The following ZSCAN2 variants were observed in gnomAD, a reference collection of about 807,000 sequenced individuals.
ZSCAN2 encodes the protein zinc finger and SCAN domain containing 2.
ZSCAN2 carries 26 observed loss-of-function variants against 47.8 expected under a neutral mutation model. The observed-to-expected ratio is 0.54, with a 90% CI of 0.40 to 0.75. The LOEUF is 0.75. Ranked by LOEUF, ZSCAN2 falls within the 30% of genes least tolerant of loss-of-function variation. The pLI, the probability that ZSCAN2 is intolerant of heterozygous loss-of-function variation, is 0.00. For synonymous variants in ZSCAN2, 305 were observed against 288.7 expected, an observed-to-expected ratio of 1.06 and a Z score of -0.57; for missense variants, 732 against 785.4, an observed-to-expected ratio of 0.93 and a Z score of 0.81.
At position 84,622,062 on chromosome 15, in the gene ZSCAN2, G is replaced by A; in HGVS notation, c.*22G>A. The A allele has an allele frequency of 6.4e-7, 1 of 1,571,196 alleles. No individual in the cohort carries two copies. Among genetic ancestry groups the A allele is most frequent in the Non-Finnish European group, 8.6e-7 (1 of 1,156,212 alleles). ...TTGAAGTGGCAAAGAGTGAAAGTGAGGGACTGGCCTGGAGTGGGAGTTGCC... is the reference window on the plus strand; with the variant it reads ...TTGAAGTGGCAAAGAGTGAAAGTGAAGGACTGGCCTGGAGTGGGAGTTGCC... On this transcript the variant is annotated 3_prime_UTR_variant, in exon 3 of 3. Coordinates refer to ENST00000546148, the MANE Select transcript of ZSCAN2 (RefSeq NM_181877.4).
At chr15:84,608,458 G>A (rs1268535729) in intron 2 of ZSCAN2, among the ~76,000 whole-genome samples, 11 of 151,560 alleles carry the variant, frequency 7.3e-5, no homozygotes, top group Non-Finnish European at 1.5e-4. Flanking sequence ...GCTTGAACCT[G>A]GGAGGCGGAG....
rs540401388 is a variant in ZSCAN2, at chr15:84,609,286, CATATATG to C, written c.406+4962_406+4968del. ...ACACATATATATCTATGATATATATCATATATGATATATGAGATATATGATATATCTC... is the reference window on the plus strand; with the variant it reads ...ACACATATATATCTATGATATATATCATATATGAGATATATGATATATCTC... On this transcript the variant is annotated intron_variant, in intron 2 of 2. Coordinates refer to ENST00000546148, the MANE Select transcript of ZSCAN2 (RefSeq NM_181877.4). Among the ~76,000 whole-genome samples the C allele has an allele frequency of 2.1e-4, 31 of 150,706 alleles. No homozygotes were observed. The South Asian group carries it at 6.3e-3, about 30-fold the overall frequency.
intron 2 of ZSCAN2, among the ~76,000 whole-genome samples, chr15:84,614,147 C>T (rs1355807025): frequency 6.7e-6 from 1 of 149,344 alleles, no homozygotes; most frequent in Non-Finnish European, 1.5e-5. Context: ...AGTGCCAACA[C>T]ACCCGGCTAA....
In ZSCAN2 at chr15:84,612,442, G is replaced by C. The variant is rs572149552; in HGVS notation, c.406+8109G>C. Among the ~76,000 whole-genome samples, 3 of 152,260 alleles carry C rather than the reference G, an allele frequency of 2.0e-5. No homozygotes were observed. In the South Asian group the frequency reaches 6.2e-4, roughly 32 times the overall value. ...TTATGTTATACAGCAATGTAGAAAT[G>C]ACCTTCTAAAGGCCAGGAGCGGTAG... On this transcript the variant is annotated intron_variant, in intron 2 of 2. Coordinates refer to ENST00000546148, the MANE Select transcript of ZSCAN2 (RefSeq NM_181877.4).
chr15:84,613,423 C>G (rs1180581084), intron 2 of ZSCAN2, among the ~76,000 whole-genome samples: 1 of 151,414 alleles, frequency 6.6e-6, no homozygotes, highest in African/African-American at 2.4e-5. Context: ...TGGGTTCAAG[C>G]AATTCTCCTG....
At chr15:84,603,393 G>C (rs1237776540) in intron 1 of ZSCAN2, among the ~76,000 whole-genome samples, 1 of 149,402 alleles carries the variant, frequency 6.7e-6, no homozygotes, top group Non-Finnish European at 1.5e-5. Flanking sequence ...TTTTGAGACG[G>C]AGTCTCACTC....
In ZSCAN2 at chr15:84,601,129, C is replaced by G. The variant is rs1243272577; in HGVS notation, c.-115C>G. On this transcript the variant is annotated 5_prime_UTR_variant, in exon 1 of 3. Transcript: ENST00000546148. ...AACCGCTAGAGCAGGACCTGGTCTCCCGAGAGGTGAGCCGGAGAGGCAGGC... is the reference window on the plus strand; with the variant it reads ...AACCGCTAGAGCAGGACCTGGTCTCGCGAGAGGTGAGCCGGAGAGGCAGGC... 1 of 152,442 alleles carries G rather than the reference C, an allele frequency of 6.6e-6. No individual in the cohort carries two copies. Among genetic ancestry groups the G allele is most frequent in the African/African-American group, 2.4e-5 (1 of 41,464 alleles). The allele number at this position is 152,442 out of a possible 1,614,324, so 9.4% of individuals were successfully genotyped here.
At chr15:84,619,429 CAAAAA>C (rs760419756) in intron 2 of ZSCAN2, among the ~76,000 whole-genome samples, 1 of 109,460 alleles carries the variant, frequency 9.1e-6, no homozygotes, top group Non-Finnish European at 2.0e-5. Context: ...GACTCCGTCT[CAAAAA>C]AAAAAAAAAA....
chr15:84,605,822 T>C (rs1895364064), intron 2 of ZSCAN2, among the ~76,000 whole-genome samples: 1 of 152,256 alleles, frequency 6.6e-6, no homozygotes, highest in South Asian at 2.1e-4. Flanking sequence ...ATAGTCACCA[T>C]GGCTAGCACT....
intron 2 of ZSCAN2, among the ~76,000 whole-genome samples, chr15:84,608,530 CA>C (rs1181525313): frequency 0.26 from 24,452 of 92,522 alleles, 2,447 homozygotes; most frequent in Middle Eastern, 0.42. Flanking sequence ...GACTCTGTCT[CA>C]AAAAAAAAAA....
At chr15:84,611,145 A>AG in intron 2 of ZSCAN2, among the ~76,000 whole-genome samples, 1 of 151,996 alleles carries the variant, frequency 6.6e-6, no homozygotes, top group African/African-American at 2.4e-5. Flanking sequence ...TACAAAAAAA[A>AG]TTAGCCGGGC....
rs1183294014 is a variant in ZSCAN2 at position 84,622,711 on chromosome 15, A to G, written c.*671A>G. ...GAGCCAGTGTCCCAGTGTCCTTTCC[A>G]TTGGTAAGAGTTGGACAGGGCCTTC... On this transcript the variant is annotated 3_prime_UTR_variant, in exon 3 of 3. Coordinates refer to ENST00000546148, the MANE Select transcript of ZSCAN2 (RefSeq NM_181877.4). 108 of 717,050 alleles carry G rather than the reference A, an allele frequency of 1.5e-4. No homozygotes were observed. Among genetic ancestry groups the G allele is most frequent in the Non-Finnish European group, 2.6e-6 (1 of 385,024 alleles). 44.4% of individuals were successfully genotyped at this position (717,050 alleles called of 1,614,324 possible).
chr15:84,616,446 T>C, intron 2 of ZSCAN2: 2 of 1,563,316 alleles, frequency 1.3e-6, no homozygotes, highest in Non-Finnish European at 1.7e-6. Flanking sequence ...CTGAGCTTTC[T>C]GAGTTCTGTT....
intron 2 of ZSCAN2, chr15:84,606,867 G>T: frequency 8.6e-7 from 1 of 1,164,904 alleles, no homozygotes; most frequent in South Asian, 2.5e-5. Context: ...TTTAATAAAC[G>T]CCCCGACCTT....
intron 1 of ZSCAN2, among the ~76,000 whole-genome samples, 159 bp from the exon 2 acceptor site, chr15:84,603,661 T>G (rs761966962): frequency 1.3e-4 from 20 of 152,076 alleles, no homozygotes; most frequent in Non-Finnish European, 2.5e-4. Context: ...CACAGAGAGA[T>G]GTTTTCAGGA....
Position 84,622,102 on chromosome 15 carries a change from G to A in ZSCAN2, c.*62G>A, listed in dbSNP as rs1278365833. 1.5e-6 allele frequency: 2 copies of A among 1,377,750 alleles called. No homozygotes were observed. The highest frequency in any genetic ancestry group is 2.1e-5 in the Admixed American group (1 of 46,700). 85.3% of individuals were successfully genotyped at this position (1,377,750 alleles called of 1,614,324 possible). On this transcript the variant is annotated 3_prime_UTR_variant, in exon 3 of 3. Coordinates refer to ENST00000546148, the MANE Select transcript of ZSCAN2 (RefSeq NM_181877.4). ...TGGGAGTTGCCACACTGCCCCAACA[G>A]TGATTCCCTTTCAAAGAGCTGTGCT... is the stretch of plus-strand genomic sequence containing the variant.
At chr15:84,611,032 G>A (rs1017100565) in intron 2 of ZSCAN2, among the ~76,000 whole-genome samples, 5 of 151,408 alleles carry the variant, frequency 3.3e-5, no homozygotes, top group Admixed American at 2.0e-4. Flanking sequence ...GGTGGCTCAC[G>A]CCTGTTATCC....
intron 2 of ZSCAN2, chr15:84,606,520 A>C: frequency 6.2e-7 from 1 of 1,600,792 alleles, no homozygotes; most frequent in South Asian, 1.1e-5. Flanking sequence ...CTGTCTCCCT[A>C]TTTTACAGCT....
Position 84,622,146 on chromosome 15 carries a change from G to T in ZSCAN2, c.*106G>T. 5 of 1,087,512 alleles carry T rather than the reference G, an allele frequency of 4.6e-6. No homozygotes were observed. Among genetic ancestry groups the T allele is most frequent in the Non-Finnish European group, 6.7e-6 (5 of 746,464 alleles). The allele number at this position is 1,087,512 out of a possible 1,614,324, so 67.4% of individuals were successfully genotyped here. A position where few individuals can be genotyped will look rare whatever the true frequency, so the allele number is the denominator to read the frequency against. On this transcript the variant is annotated 3_prime_UTR_variant, in exon 3 of 3. Transcript: ENST00000546148. ...CTGTGCTTCCTAAACATTCTGGGGG[G>T]TTTTGCCAGAGTCTTCCCCTTGCTC...
Sources: allele counts gnomAD v4.1 joint callset (sites outside exome capture counted in the v4.1 genomes callset), GRCh38; gene constraint gnomAD v4.1.1; transcripts MANE v1.5; gene names NCBI Gene and HGNC (gene_info 2026-07-23, HGNC 2026-07-21).